Variants in ANKS1B observed in about 807,000 individuals in gnomAD.
The protein encoded by ANKS1B is ankyrin repeat and sterile alpha motif domain-containing protein 1B.
Under a neutral mutation model 148.3 loss-of-function variants are expected in ANKS1B, and 36 were observed. The observed-to-expected ratio is 0.24, with a 90% confidence interval of 0.19 to 0.32. The LOEUF (loss-of-function observed/expected upper bound fraction) is 0.32, where lower values mean the gene tolerates loss of function less well. Among genes scored for constraint, ANKS1B ranks in the 10% least tolerant of loss-of-function variants. The pLI is 1.00. For synonymous variants in ANKS1B, 542 were observed against 560.8 expected, an observed-to-expected ratio of 0.97 and a Z score of 0.47; for missense variants, 1,157 against 1,542.6, an observed-to-expected ratio of 0.75 and a Z score of 4.19.
chr12:99,773,541 T>C (rs966029409), intron 7 of ANKS1B, among the ~76,000 whole-genome samples: 4 of 152,102 alleles, frequency 2.6e-5, no homozygotes, highest in African/African-American at 4.8e-5. Context: ...AGGTAATCAG[T>C]ACCTTAAGAA....
At chr12:98,909,502 G>T (rs2099783845) in intron 17 of ANKS1B, among the ~76,000 whole-genome samples, 1 of 152,188 alleles carries the variant, frequency 6.6e-6, no homozygotes, top group African/African-American at 2.4e-5. Flanking sequence ...CACTTTAGCA[G>T]ACTATCTAGA....
chr12:98,843,694 G>T (rs1338133375), intron 17 of ANKS1B, among the ~76,000 whole-genome samples: 2 of 152,202 alleles, frequency 1.3e-5, no homozygotes, highest in African/African-American at 4.8e-5. Context: ...AATAAAGAAG[G>T]TGTGCCAGGG....
intron 12 of ANKS1B, among the ~76,000 whole-genome samples, chr12:99,383,956 G>T (rs1172270594): frequency 6.6e-6 from 1 of 152,050 alleles, no homozygotes; most frequent in Non-Finnish European, 1.5e-5. Flanking sequence ...CTTGCGCCTG[G>T]AAGTGTAGGC....
chr12:99,322,500 G>GA (rs995373964), intron 12 of ANKS1B, among the ~76,000 whole-genome samples: 2 of 144,784 alleles, frequency 1.4e-5, no homozygotes, highest in African/African-American at 2.5e-5. Flanking sequence ...AAAAGAAAAA[G>GA]AAAAAAATCT....
At chr12:99,012,432 GA>G (rs759080672) in intron 17 of ANKS1B, among the ~76,000 whole-genome samples, 1 of 152,090 alleles carries the variant, frequency 6.6e-6, no homozygotes, top group Non-Finnish European at 1.5e-5. Flanking sequence ...CAATTTCTAA[GA>G]CTTTATATTT....
intron 8 of ANKS1B, among the ~76,000 whole-genome samples, chr12:99,676,144 T>C (rs992146610): frequency 1.3e-5 from 2 of 152,136 alleles, no homozygotes; most frequent in African/African-American, 4.8e-5. Flanking sequence ...CCTGCTGCCA[T>C]GTGAAGAAGG....
intron 12 of ANKS1B, among the ~76,000 whole-genome samples, chr12:99,325,334 T>A (rs1403688795): frequency 1.3e-5 from 2 of 152,184 alleles, no homozygotes; most frequent in African/African-American, 4.8e-5. Context: ...GGTGTGAGAA[T>A]GGTGAAATCA....
intron 9 of ANKS1B, chr12:99,648,746 C>T (rs1428026399): frequency 6.2e-7 from 1 of 1,613,512 alleles, no homozygotes; most frequent in Admixed American, 1.7e-5. Flanking sequence ...GCTGGGAACA[C>T]ATTGGACTCA....
intron 8 of ANKS1B, among the ~76,000 whole-genome samples, chr12:99,739,348 G>GT (rs1217634010): frequency 7.9e-6 from 1 of 125,902 alleles, no homozygotes; most frequent in African/African-American, 3.0e-5. Flanking sequence ...TTTTTGGGGG[G>GT]GGCGGGGCCA....
chr12:99,885,310 CTTTTT>C (rs369104539), intron 1 of ANKS1B, among the ~76,000 whole-genome samples: 2 of 129,918 alleles, frequency 1.5e-5, no homozygotes, highest in Non-Finnish European at 1.6e-5. Flanking sequence ...TTCTCATGTC[CTTTTT>C]TTTTTTTTTT....
At chr12:99,884,931 A>G (rs996996175) in intron 1 of ANKS1B, among the ~76,000 whole-genome samples, 9 of 152,056 alleles carry the variant, frequency 5.9e-5, no homozygotes, top group Non-Finnish European at 1.2e-4. Context: ...ACCTATTTAA[A>G]AAAAAAAACA....
rs1441486862 is a variant in ANKS1B, at chr12:99,632,767, A to ATATATATATATATATATT, written c.1272+22299_1272+22300insAATATATATATATATATA. Among the ~76,000 whole-genome samples, 215 of 71,250 alleles carry ATATATATATATATATATT rather than the reference A, an allele frequency of 3.0e-3. 9 individuals are homozygous for ATATATATATATATATATT. Among genetic ancestry groups the ATATATATATATATATATT allele is most frequent in the Middle Eastern group, 9.4e-3 (1 of 106 alleles). The allele number at this position is 71,250 out of a possible 152,430, so 46.7% of individuals were successfully genotyped here. On this transcript the variant is annotated intron_variant, in intron 9 of 26. Transcript: ENST00000683438. ...TATATATATATATATATATATATAT[A>ATATATATATATATATATT]TTTTAATTATACTTTAAGTTCTAGG...
At chr12:98,891,261 C>T (rs2099752021) in intron 17 of ANKS1B, among the ~76,000 whole-genome samples, 1 of 152,132 alleles carries the variant, frequency 6.6e-6, no homozygotes, top group Non-Finnish European at 1.5e-5. Context: ...ACCAGTACAT[C>T]TTTGCTGTGT....
chr12:99,342,835 CTTCT>C (rs1314775496), intron 12 of ANKS1B, among the ~76,000 whole-genome samples: 1 of 149,430 alleles, frequency 6.7e-6, no homozygotes, highest in Non-Finnish European at 1.5e-5. Context: ...TTTTTCTCTT[CTTCT>C]TTATTTGACC....
rs569575435 is a variant in ANKS1B, at chr12:99,468,984, T to C, written c.1439-25175A>G. Among the ~76,000 whole-genome samples the C allele has an allele frequency of 8.5e-5, 13 of 152,220 alleles. No homozygotes were observed. In the East Asian group the frequency reaches 1.9e-3, roughly 23 times the overall value. ...TAAATCATGCTGCTATAAAGACACA[T>C]GCACACGTATGTTTATTGCAGCACT... On this transcript the variant is annotated intron_variant, in intron 10 of 26. Coordinates refer to ENST00000683438, the MANE Select transcript of ANKS1B (RefSeq NM_001352186.2).
chr12:99,466,644 G>T (rs972646269), intron 10 of ANKS1B, among the ~76,000 whole-genome samples: 1 of 151,228 alleles, frequency 6.6e-6, no homozygotes, highest in Admixed American at 6.6e-5. Context: ...ACTAACATCA[G>T]AGAATACTAC....
chr12:99,884,618 T>C (rs1037841512), intron 1 of ANKS1B, among the ~76,000 whole-genome samples: 1 of 152,186 alleles, frequency 6.6e-6, no homozygotes, highest in Non-Finnish European at 1.5e-5. Context: ...AAATGCACTA[T>C]GTAAAGTCAA....
chr12:99,443,631 A>G, intron 11 of ANKS1B, 42 bp downstream of exon 11: 1 of 1,604,904 alleles, frequency 6.2e-7, no homozygotes, highest in Non-Finnish European at 8.5e-7. Context: ...GATTCAAATC[A>G]AAACACATTA....
At chr12:99,524,862 G>T (rs1322604690) in intron 9 of ANKS1B, among the ~76,000 whole-genome samples, 3 of 152,044 alleles carry the variant, frequency 2.0e-5, no homozygotes, top group Admixed American at 6.6e-5. Flanking sequence ...TCTCCCACAG[G>T]ATCCCTCCCA....
Sources: gnomAD v4.1 joint callset for allele counts (sites outside exome capture counted in the v4.1 genomes callset) on GRCh38, gnomAD v4.1.1 for gene constraint, MANE v1.5 for transcripts, NCBI Gene and HGNC (gene_info 2026-07-23, HGNC 2026-07-21) for gene names.